Variants in CD99L2 observed in about 807,000 individuals in gnomAD.
The protein encoded by CD99L2 is CD99 antigen-like protein 2.
Under a neutral mutation model 27.3 loss-of-function variants are expected in CD99L2, and 24 were observed. The observed-to-expected ratio is 0.88, with a 90% confidence interval of 0.64 to 1.24. CD99L2 has a LOEUF of 1.24. Ranked by LOEUF, CD99L2 falls within the 50% of genes most tolerant of loss-of-function variation. The pLI, the probability that CD99L2 is intolerant of heterozygous loss-of-function variation, is 0.00. For missense variants in CD99L2, 255 were observed against 221.6 expected (o/e 1.15, Z -0.96); for synonymous variants, 97 against 87.9 (o/e 1.10, Z -0.58).
At chrX:150,806,768 G>A (rs2046001151) in intron 4 of CD99L2, among the ~76,000 whole-genome samples, 1 of 110,785 alleles carries the variant, frequency 9.0e-6, no homozygotes, top group African/African-American at 3.3e-5. Context: ...GTGGGAGCCT[G>A]TAATCCCAGC....
chrX:150,804,621 C>A (rs781953302), intron 4 of CD99L2, among the ~76,000 whole-genome samples: 3 of 110,689 alleles, frequency 2.7e-5, no homozygotes, highest in Non-Finnish European at 5.7e-5. Context: ...AAATAAGTAA[C>A]AGAAGAACAA....
At chrX:150,832,846 G>C (rs782312594) in intron 1 of CD99L2, among the ~76,000 whole-genome samples, 12 of 110,992 alleles carry the variant, frequency 1.1e-4, no homozygotes, top group Admixed American at 2.9e-4. Flanking sequence ...GCAGGAGATC[G>C]AGACCATCCT....
chrX:150,814,044 G>A (rs782203128), intron 4 of CD99L2, among the ~76,000 whole-genome samples: 2 of 111,862 alleles, frequency 1.8e-5, no homozygotes, highest in East Asian at 5.6e-4. Flanking sequence ...GTGATGATAT[G>A]AACAAATATG....
intron 7 of CD99L2, among the ~76,000 whole-genome samples, chrX:150,789,043 T>C (rs782069265): frequency 1.3e-4 from 15 of 111,848 alleles, no homozygotes; most frequent in African/African-American, 4.9e-4. Context: ...TATTCTTCTT[T>C]GGTGAAGTCT....
chrX:150,798,185 G>GGA (rs2045836839), intron 4 of CD99L2, among the ~76,000 whole-genome samples: 1 of 4,137 alleles, frequency 2.4e-4, no homozygotes. Context: ...GGAAGGAAGG[G>GGA]AGGGAGGGAG....
In CD99L2 at chrX:150,873,350, T is replaced by C. The variant is rs145232736; in HGVS notation, c.67+25172A>G. 5.1e-3 allele frequency among the ~76,000 whole-genome samples: 569 copies of C among 112,108 alleles called. 7 individuals carry two copies. The highest frequency in any genetic ancestry group is 9.3e-3 in the Middle Eastern group (2 of 216). On this transcript the variant is annotated intron_variant, in intron 1 of 10. Coordinates refer to ENST00000370377, the MANE Select transcript of CD99L2 (RefSeq NM_031462.4). Reference sequence around the variant, plus strand: ...GGTATGAGTCCACTTACAAGAAATGTCCAGAATAGGCAAATCCATACAGAC... The same window carrying C: ...GGTATGAGTCCACTTACAAGAAATGCCCAGAATAGGCAAATCCATACAGAC...
chrX:150,854,709 C>T (rs782049973), intron 1 of CD99L2, among the ~76,000 whole-genome samples: 7 of 110,988 alleles, frequency 6.3e-5, no homozygotes, highest in African/African-American at 1.6e-4. Context: ...CTCAGAAGAG[C>T]GGCCTGGAAC....
At chrX:150,890,183 T>C (rs893863645) in intron 1 of CD99L2, among the ~76,000 whole-genome samples, 3 of 92,200 alleles carry the variant, frequency 3.3e-5, no homozygotes, top group Non-Finnish European at 6.3e-5. Flanking sequence ...AATAAATAAA[T>C]AAACTTGCTT....
chrX:150,806,751 C>T (rs782574998), intron 4 of CD99L2, among the ~76,000 whole-genome samples: 3 of 110,493 alleles, frequency 2.7e-5, no homozygotes, highest in East Asian at 2.9e-4. Flanking sequence ...ATTAGCCGGG[C>T]GTGGTGGTGG....
rs147730708 is a variant in CD99L2, at chrX:150,841,532, A to G, written c.68-10239T>C. Among the ~76,000 whole-genome samples, 570 of 111,856 alleles carry G rather than the reference A, an allele frequency of 5.1e-3. 7 individuals carry two copies. The highest frequency in any genetic ancestry group is 0.014 in the Middle Eastern group (3 of 216). On this transcript the variant is annotated intron_variant, in intron 1 of 10. Transcript: ENST00000370377. ...CCAAAGCCATAAGCCTACCATCTCA[A>G]TGGGTCTTCCTTCAAATCTCTATCT...
At position 150,769,142 on chromosome X, in the gene CD99L2, C is replaced by G. The variant is rs201459188; in HGVS notation, c.722-41G>C. ...GCCGTCAGAAGGAATTCTGCTCTGT[C>G]TTGCACAGAAGAAGCAAATACAGCA... On this transcript the variant is annotated intron_variant, in intron 10 of 10. Coordinates refer to ENST00000370377, the MANE Select transcript of CD99L2 (RefSeq NM_031462.4). 1.5e-5 allele frequency: 17 copies of G among 1,139,273 alleles called. No homozygotes were observed. The African/African-American group carries it at 2.3e-4, about 15-fold the overall frequency. The allele number at this position is 1,139,273 out of a possible 1,213,427, so 93.9% of individuals were successfully genotyped here.
intron 1 of CD99L2, among the ~76,000 whole-genome samples, chrX:150,887,486 A>AAAT (rs2047432486): frequency 9.7e-6 from 1 of 103,519 alleles, no homozygotes; most frequent in Non-Finnish European, 2.0e-5. Context: ...ATAAATAAAT[A>AAAT]AAATAAAAAA....
intron 4 of CD99L2, among the ~76,000 whole-genome samples, chrX:150,805,051 A>C (rs1262685855): frequency 9.0e-6 from 1 of 111,322 alleles, no homozygotes; most frequent in African/African-American, 3.3e-5. Context: ...ATAAAAATAA[A>C]ACTAAAACTC....
At chrX:150,864,778 T>G (rs1474912165) in intron 1 of CD99L2, among the ~76,000 whole-genome samples, 1 of 112,790 alleles carries the variant, frequency 8.9e-6, no homozygotes, top group African/African-American at 3.2e-5. Flanking sequence ...ATGTGCATAT[T>G]TAATGACATA....
chrX:150,769,689 GCCTC>G (rs1569565831), intron 10 of CD99L2, among the ~76,000 whole-genome samples: 4 of 99,968 alleles, frequency 4.0e-5, no homozygotes, highest in Non-Finnish European at 5.8e-5. Flanking sequence ...GCGCCACCAG[GCCTC>G]GGCTGCTCCC....
chrX:150,892,352 A>T (rs1289892057), intron 1 of CD99L2, among the ~76,000 whole-genome samples: 6 of 110,842 alleles, frequency 5.4e-5, no homozygotes, highest in African/African-American at 2.0e-4. Context: ...CACGCCTGTA[A>T]TCCCAGCACT....
At chrX:150,777,848 G>T (rs782452233) in intron 7 of CD99L2, among the ~76,000 whole-genome samples, 4 of 112,166 alleles carry the variant, frequency 3.6e-5, no homozygotes, top group Non-Finnish European at 7.5e-5. Context: ...GTGCTGTGCC[G>T]GGACAGCCCG....
Position 150,802,792 on chromosome X carries a change from A to G in CD99L2, c.278-7306T>C, listed in dbSNP as rs782053883. On this transcript the variant is annotated intron_variant, in intron 4 of 10. Coordinates refer to ENST00000370377, the MANE Select transcript of CD99L2 (RefSeq NM_031462.4). The stretch of plus-strand genomic sequence containing the variant: ...GAGACGGGGTTTCACCGTGTTAGCC[A>G]GGATGGTGTCGATCTCCTGACCTCG... Among the ~76,000 whole-genome samples the G allele has an allele frequency of 8.8e-4, 89 of 101,308 alleles. 1 individual carries two copies. Among genetic ancestry groups the G allele is most frequent in the Admixed American group, 8.4e-3 (78 of 9,272 alleles). The allele number at this position is 101,308 out of a possible 115,157, so 88.0% of individuals were successfully genotyped here.
At chrX:150,792,922 C>A (rs1349896192) in intron 7 of CD99L2, among the ~76,000 whole-genome samples, 1 of 111,873 alleles carries the variant, frequency 8.9e-6, no homozygotes, top group Non-Finnish European at 1.9e-5. Flanking sequence ...CACTATCTGG[C>A]CTTGGGGAGG....
Sources: gnomAD v4.1 joint callset for allele counts (sites outside exome capture counted in the v4.1 genomes callset) on GRCh38, gnomAD v4.1.1 for gene constraint, MANE v1.5 for transcripts, NCBI Gene and HGNC (gene_info 2026-07-23, HGNC 2026-07-21) for gene names.